JAKMIP2: variants seen among roughly 807,000 people sequenced by gnomAD.
The protein encoded by JAKMIP2 is janus kinase and microtubule-interacting protein 2.
JAKMIP2 carries 25 observed loss-of-function variants against 115.0 expected under a neutral mutation model. That is an observed-to-expected ratio of 0.22 (90% CI 0.16 to 0.30). The LOEUF (loss-of-function observed/expected upper bound fraction) is 0.30, where lower values mean the gene tolerates loss of function less well. Ranked by LOEUF, JAKMIP2 falls within the 10% of genes least tolerant of loss-of-function variation. JAKMIP2 has a pLI of 1.00. For missense variants in JAKMIP2, 642 were observed against 957.6 expected, an observed-to-expected ratio of 0.67 and a Z score of 4.35; for synonymous variants, 334 against 343.6, an observed-to-expected ratio of 0.97 and a Z score of 0.31.
At chr5:147,767,982 C>A (rs539353571) in intron 1 of JAKMIP2, among the ~76,000 whole-genome samples, 1 of 152,246 alleles carries the variant, frequency 6.6e-6, no homozygotes, top group African/African-American at 2.4e-5. Context: ...TTGCATTACT[C>A]CCTGAATCAT....
chr5:147,665,992 A>G (rs1164005510), intron 2 of JAKMIP2, among the ~76,000 whole-genome samples: 4 of 152,214 alleles, frequency 2.6e-5, no homozygotes, highest in Non-Finnish European at 5.9e-5. Context: ...CAGCCTGAAG[A>G]CAAAAACAAA....
chr5:147,745,103 T>C (rs950458032), intron 1 of JAKMIP2, among the ~76,000 whole-genome samples: 3 of 150,360 alleles, frequency 2.0e-5, no homozygotes, highest in Non-Finnish European at 3.0e-5. Flanking sequence ...TCAGCACCTA[T>C]TGTAGATTCT....
At chr5:147,631,607 T>C (rs1271845434) in intron 13 of JAKMIP2, 96 bp from the exon 14 acceptor site, 1 of 679,900 alleles carries the variant, frequency 1.5e-6, no homozygotes, top group African/African-American at 1.9e-5. Context: ...AGCAGTTTAT[T>C]ACTGTCATTT....
At chr5:147,742,150 TATATA>T (rs1288186657) in intron 1 of JAKMIP2, among the ~76,000 whole-genome samples, 2 of 112,824 alleles carry the variant, frequency 1.8e-5, no homozygotes, top group African/African-American at 7.9e-5. Context: ...TATATATATA[TATATA>T]TTTTTTTTAC....
chr5:147,736,460 AAAAT>A (rs1753928450), intron 1 of JAKMIP2, among the ~76,000 whole-genome samples: 2 of 152,146 alleles, frequency 1.3e-5, no homozygotes, highest in African/African-American at 4.8e-5. Context: ...TCTATCTCAA[AAAAT>A]AAATAATTAA....
rs1051516152 is a variant in JAKMIP2, at chr5:147,623,868, G to T, written c.1996-179C>A. ...TGTTTTGTTTTTGAAACGGAATCTC[G>T]CTCCGTTGCCCAGGCTGGAGTGCAG... On this transcript the variant is annotated intron_variant, in intron 16 of 21. Coordinates refer to ENST00000616793, the MANE Select transcript of JAKMIP2 (RefSeq NM_001270941.2). Among the ~76,000 whole-genome samples, 3 of 151,998 alleles carry T rather than the reference G, an allele frequency of 2.0e-5. No individual in the cohort carries two copies. In the East Asian group the frequency reaches 5.8e-4, roughly 29 times the overall value.
intron 17 of JAKMIP2, among the ~76,000 whole-genome samples, chr5:147,622,512 T>A (rs577087992): frequency 5.3e-4 from 81 of 152,358 alleles, no homozygotes; most frequent in Non-Finnish European, 8.1e-4. Context: ...GTATTTACAA[T>A]TCTGTGAATA....
chr5:147,743,507 T>C (rs1754228048), intron 1 of JAKMIP2, among the ~76,000 whole-genome samples: 1 of 152,210 alleles, frequency 6.6e-6, no homozygotes, highest in East Asian at 1.9e-4. Flanking sequence ...CTAATGGGAT[T>C]AGGTTGAGGT....
intron 1 of JAKMIP2, among the ~76,000 whole-genome samples, chr5:147,733,868 T>C (rs144064654): frequency 0.11 from 17,153 of 152,212 alleles, 1,194 homozygotes; most frequent in Middle Eastern, 0.19. Context: ...CTATCATTGA[T>C]GGGCACTTGG....
At chr5:147,671,063 G>A (rs920828049) in intron 2 of JAKMIP2, among the ~76,000 whole-genome samples, 2 of 152,196 alleles carry the variant, frequency 1.3e-5, no homozygotes, top group East Asian at 3.8e-4. Flanking sequence ...GGTGAGTGAA[G>A]GAGCATGGAG....
At chr5:147,709,444 G>A (rs560804333) in intron 1 of JAKMIP2, among the ~76,000 whole-genome samples, 162 of 152,062 alleles carry the variant, frequency 1.1e-3, no homozygotes, top group Admixed American at 1.6e-3. Flanking sequence ...ATATGCACAC[G>A]TATATATACT....
chr5:147,739,060 T>G (rs1754036876), intron 1 of JAKMIP2, among the ~76,000 whole-genome samples: 1 of 152,038 alleles, frequency 6.6e-6, no homozygotes, highest in Non-Finnish European at 1.5e-5. Context: ...GGACGGTAGG[T>G]CACACCTGCT....
intron 2 of JAKMIP2, among the ~76,000 whole-genome samples, chr5:147,662,259 A>G (rs1380470017): frequency 1.3e-5 from 2 of 151,860 alleles, no homozygotes; most frequent in Admixed American, 1.3e-4. Context: ...TTTAGTGACC[A>G]TTGTTATTTC....
At chr5:147,648,576 T>C in intron 4 of JAKMIP2, 102 bp from the exon 5 acceptor site, 1 of 685,466 alleles carries the variant, frequency 1.5e-6, no homozygotes, top group Non-Finnish European at 2.6e-6. Flanking sequence ...AGTTCTCTTA[T>C]CTGGCTCCTG....
chr5:147,657,076 G>A (rs1164613514), intron 3 of JAKMIP2, among the ~76,000 whole-genome samples: 2 of 152,104 alleles, frequency 1.3e-5, no homozygotes. Context: ...TCAGGAGATC[G>A]AGACCATCCT....
At chr5:147,623,946 T>C (rs1481545373) in intron 16 of JAKMIP2, among the ~76,000 whole-genome samples, 1 of 152,156 alleles carries the variant, frequency 6.6e-6, no homozygotes, top group Non-Finnish European at 1.5e-5. Context: ...AGCAATTCTC[T>C]GCCTCAGCCT....
intron 2 of JAKMIP2, among the ~76,000 whole-genome samples, chr5:147,665,828 T>C (rs764592160): frequency 9.2e-5 from 14 of 152,220 alleles, no homozygotes; most frequent in Non-Finnish European, 1.9e-4. Flanking sequence ...ATTATTTATG[T>C]CAAATTCTCT....
Position 147,648,142 on chromosome 5 carries a change from C to T in JAKMIP2, c.936+234G>A, listed in dbSNP as rs557047866. 2.0e-5 allele frequency among the ~76,000 whole-genome samples: 3 copies of T among 152,212 alleles called. No individual in the cohort carries two copies. The East Asian group carries it at 5.8e-4, about 29-fold the overall frequency. ...AAGTCAGAATAGTGGTTAAGTTTAA[C>T]AGGATGCTAATTGGGAGGGGTCACA... is the stretch of plus-strand genomic sequence containing the variant. On this transcript the variant is annotated intron_variant, in intron 5 of 21. Transcript: ENST00000616793.
Position 147,629,335 on chromosome 5 carries a change from A to G in JAKMIP2, c.1929+358T>C, listed in dbSNP as rs1432173424. 2.2e-4 allele frequency among the ~76,000 whole-genome samples: 33 copies of G among 152,186 alleles called. 1 individual carries two copies. The highest frequency in any genetic ancestry group is 2.2e-3 in the Admixed American group (33 of 15,274). ...CTGGTCCATTTTTATGGCACTGCCA[A>G]CAACCCTAGTATTTAGCAGCCTTTG... On this transcript the variant is annotated intron_variant, in intron 15 of 21. Transcript: ENST00000616793.
Sources: gnomAD v4.1 joint callset for allele counts (sites outside exome capture counted in the v4.1 genomes callset) on GRCh38, gnomAD v4.1.1 for gene constraint, MANE v1.5 for transcripts, NCBI Gene and HGNC (gene_info 2026-07-23, HGNC 2026-07-21) for gene names.